LYPLAL1: variants seen among roughly 807,000 people sequenced by gnomAD.
LYPLAL1 encodes the protein lysophospholipase-like protein 1.
Under a neutral mutation model 19.7 loss-of-function variants are expected in LYPLAL1, and 23 were observed. The observed-to-expected ratio is 1.17, with a 90% CI of 0.84 to 1.65. The LOEUF is 1.65. Among genes scored for constraint, LYPLAL1 ranks in the 40% most tolerant of loss-of-function variants. LYPLAL1 has a pLI of 0.00. For missense variants in LYPLAL1, 355 were observed against 279.4 expected (o/e 1.27, Z -1.93); for synonymous variants, 119 against 96.3 (o/e 1.24, Z -1.38).
the LYPLAL1 span, among the ~76,000 whole-genome samples, chr1:219,306,967 T>A: frequency 6.7e-6 from 1 of 150,308 alleles, no homozygotes; most frequent in Non-Finnish European, 1.5e-5. Context: ...CATTAGTTGA[T>A]AAGCTGGTAA....
chr1:219,339,414 G>A, the LYPLAL1 span, among the ~76,000 whole-genome samples: 4 of 151,940 alleles, frequency 2.6e-5, no homozygotes, highest in South Asian at 8.3e-4. Flanking sequence ...AAAGTTTTAG[G>A]AAAAAGTAAA....
the LYPLAL1 span, among the ~76,000 whole-genome samples, chr1:219,242,691 G>T: frequency 8.0e-4 from 121 of 150,906 alleles, 4 homozygotes; most frequent in Non-Finnish European, 5.6e-4. Context: ...AATTACTAAA[G>T]AAAATAGTTG....
chr1:219,242,129 GA>G, the LYPLAL1 span, among the ~76,000 whole-genome samples: 11 of 152,168 alleles, frequency 7.2e-5, no homozygotes, highest in Non-Finnish European at 1.5e-4. Flanking sequence ...ATCAAAGTGA[GA>G]AAGCAAAATA....
At chr1:219,299,115 A>G in the LYPLAL1 span, among the ~76,000 whole-genome samples, 138 of 148,748 alleles carry the variant, frequency 9.3e-4, no homozygotes, top group Admixed American at 6.5e-3. Flanking sequence ...AGATTATTTT[A>G]CTGTGCTTAT....
chr1:219,259,123 G>T, the LYPLAL1 span, among the ~76,000 whole-genome samples: 3 of 152,006 alleles, frequency 2.0e-5, no homozygotes, highest in African/African-American at 7.2e-5. Flanking sequence ...ATAGGTGTTG[G>T]TGTGGATGTG....
chr1:219,196,412 GT>G (rs1657605439), intron 3 of LYPLAL1, among the ~76,000 whole-genome samples: 1 of 152,116 alleles, frequency 6.6e-6, no homozygotes, highest in Non-Finnish European at 1.5e-5. Context: ...GCATCTCATT[GT>G]GATTTTGATT....
the LYPLAL1 span, among the ~76,000 whole-genome samples, chr1:219,239,494 T>C: frequency 6.6e-6 from 1 of 152,348 alleles, no homozygotes; most frequent in African/African-American, 2.4e-5. Context: ...ATTTTCTTTA[T>C]GGAAGAAGCA....
chr1:219,344,356 C>T, the LYPLAL1 span, among the ~76,000 whole-genome samples: 3 of 152,168 alleles, frequency 2.0e-5, no homozygotes, highest in Admixed American at 1.3e-4. Context: ...GGGCATTGCA[C>T]GATTCTCGTC....
At chr1:219,345,415 C>T in the LYPLAL1 span, among the ~76,000 whole-genome samples, 6 of 152,196 alleles carry the variant, frequency 3.9e-5, no homozygotes, top group Non-Finnish European at 8.8e-5. Flanking sequence ...TACCAGAAAG[C>T]TGCTGCTGCT....
the LYPLAL1 span, among the ~76,000 whole-genome samples, chr1:219,295,916 T>C: frequency 6.6e-6 from 1 of 152,216 alleles, no homozygotes. Context: ...CTCCAATGAA[T>C]GCTAAGCTCC....
the LYPLAL1 span, among the ~76,000 whole-genome samples, chr1:219,418,067 G>T: frequency 1.3e-5 from 2 of 152,040 alleles, no homozygotes; most frequent in African/African-American, 4.8e-5. Context: ...CAGCTACTGC[G>T]TTCTCTCCTG....
At chr1:219,352,495 G>T in the LYPLAL1 span, among the ~76,000 whole-genome samples, 3 of 152,144 alleles carry the variant, frequency 2.0e-5, no homozygotes, top group African/African-American at 7.2e-5. Context: ...TCCAGCCTGG[G>T]TGACGGAGGA....
the LYPLAL1 span, among the ~76,000 whole-genome samples, chr1:219,406,196 T>C: frequency 6.6e-6 from 1 of 152,256 alleles, no homozygotes; most frequent in Non-Finnish European, 1.5e-5. Context: ...TTTCTCTGCA[T>C]TGGGGCCAAG....
intron 1 of LYPLAL1, among the ~76,000 whole-genome samples, chr1:219,176,411 A>AAGGCTCAGCAAGTTGACTG (rs1379949855): frequency 2.0e-5 from 3 of 152,196 alleles, no homozygotes; most frequent in Non-Finnish European, 4.4e-5. Context: ...CTTGTGTGGT[A>AAGGCTCAGCAAGTTGACTG]AGGCTCAGCA....
chr1:219,421,383 A>T, the LYPLAL1 span, among the ~76,000 whole-genome samples: 1 of 152,192 alleles, frequency 6.6e-6, no homozygotes, highest in Non-Finnish European at 1.5e-5. Flanking sequence ...ACCCTATCTG[A>T]GAACCCTGGA....
chr1:219,432,684 G>A, the LYPLAL1 span, among the ~76,000 whole-genome samples: 1 of 152,302 alleles, frequency 6.6e-6, no homozygotes, highest in East Asian at 1.9e-4. Flanking sequence ...AGGAATTAAA[G>A]GGGTCATCAC....
At chr1:219,413,774 A>C in the LYPLAL1 span, among the ~76,000 whole-genome samples, 4 of 152,208 alleles carry the variant, frequency 2.6e-5, no homozygotes, top group African/African-American at 9.7e-5. Flanking sequence ...GTTACTGAGA[A>C]CTGATCAGGC....
At chr1:219,188,188 A>G (rs1388400977) in intron 2 of LYPLAL1, among the ~76,000 whole-genome samples, 1 of 151,828 alleles carries the variant, frequency 6.6e-6, no homozygotes, top group Non-Finnish European at 1.5e-5. Flanking sequence ...TGTGGAAAGA[A>G]TGAAGTCCCT....
At chr1:219,366,123 G>A in the LYPLAL1 span, among the ~76,000 whole-genome samples, 1 of 152,038 alleles carries the variant, frequency 6.6e-6, no homozygotes, top group Non-Finnish European at 1.5e-5. Context: ...CTAACGATGT[G>A]AATAATTTCC....
Sources: gnomAD v4.1 joint callset for allele counts (sites outside exome capture counted in the v4.1 genomes callset) on GRCh38, gnomAD v4.1.1 for gene constraint, MANE v1.5 for transcripts, NCBI Gene and HGNC (gene_info 2026-07-23, HGNC 2026-07-21) for gene names.